The following METTL15 variants were observed in gnomAD, a reference collection of about 807,000 sequenced individuals.
METTL15 encodes 12S rRNA N(4)-cytidine methyltransferase METTL15.
METTL15 carries 34 observed loss-of-function variants against 38.3 expected under a neutral mutation model. That is an observed-to-expected ratio of 0.89 (90% CI 0.68 to 1.18). The LOEUF is 1.18. METTL15 is among the 50% of genes most tolerant of loss of function. The pLI is 0.00. For synonymous variants in METTL15, 162 were observed against 170.9 expected (o/e 0.95, Z 0.41); for missense variants, 438 against 498.4 (o/e 0.88, Z 1.15).
At chr11:28,252,238 A>G (rs1331079343) in intron 4 of METTL15, among the ~76,000 whole-genome samples, 1 of 152,188 alleles carries the variant, frequency 6.6e-6, no homozygotes, top group Non-Finnish European at 1.5e-5. Context: ...TGCTAAGGAA[A>G]ATATAAAGAA....
chr11:28,263,214 A>C (rs1053951833), intron 4 of METTL15, among the ~76,000 whole-genome samples: 1 of 152,020 alleles, frequency 6.6e-6, no homozygotes, highest in Non-Finnish European at 1.5e-5. Context: ...AGAAATGGAG[A>C]AATGTCATTG....
At chr11:28,221,813 G>A (rs1268240848) in intron 4 of METTL15, among the ~76,000 whole-genome samples, 1 of 152,150 alleles carries the variant, frequency 6.6e-6, no homozygotes, top group Admixed American at 6.5e-5. Flanking sequence ...TTTGCTGGAG[G>A]TCCACTCCAG....
intron 3 of METTL15, among the ~76,000 whole-genome samples, chr11:28,133,624 G>A (rs1849413035): frequency 6.6e-6 from 1 of 152,142 alleles, no homozygotes; most frequent in African/African-American, 2.4e-5. Context: ...CTGTCTTTTG[G>A]ATTGCTTGCT....
chr11:28,161,174 G>A (rs933323756), intron 3 of METTL15, among the ~76,000 whole-genome samples: 4 of 149,012 alleles, frequency 2.7e-5, no homozygotes, highest in African/African-American at 9.9e-5. Context: ...CCAGTCTGGA[G>A]TGCAGGGTTA....
At chr11:28,251,761 T>C (rs1262647673) in intron 4 of METTL15, among the ~76,000 whole-genome samples, 1 of 152,056 alleles carries the variant, frequency 6.6e-6, no homozygotes, top group East Asian at 1.9e-4. Context: ...CTGGTCATCA[T>C]TTCCTGTACC....
At chr11:28,235,627 G>A (rs1853922288) in intron 4 of METTL15, among the ~76,000 whole-genome samples, 1 of 152,170 alleles carries the variant, frequency 6.6e-6, no homozygotes, top group Non-Finnish European at 1.5e-5. Flanking sequence ...TAGTGTGTAA[G>A]AATGCTTGTG....
intron 6 of METTL15, among the ~76,000 whole-genome samples, chr11:28,442,291 G>A (rs1031093518): frequency 2.6e-5 from 4 of 152,158 alleles, no homozygotes; most frequent in Non-Finnish European, 4.4e-5. Context: ...AGGCTTTAAT[G>A]TCTACCTTCA....
At chr11:28,251,006 AT>A (rs1854719775) in intron 4 of METTL15, among the ~76,000 whole-genome samples, 1 of 151,844 alleles carries the variant, frequency 6.6e-6, no homozygotes, top group African/African-American at 2.4e-5. Context: ...TCAGATCTGG[AT>A]TTTTCTTCAT....
At chr11:28,412,256 G>A (rs552811761) in intron 5 of METTL15, among the ~76,000 whole-genome samples, 3 of 152,086 alleles carry the variant, frequency 2.0e-5, no homozygotes, top group Admixed American at 2.0e-4. Flanking sequence ...ATACCCAAAG[G>A]AGATGAAATT....
exon 5 of METTL15, chr11:28,362,034 G>T (rs1468574592): frequency 6.6e-6 from 1 of 152,116 alleles, no homozygotes; most frequent in Non-Finnish European, 1.5e-5. Context: ...AAGAAAAATG[G>T]AGGTAGCATT....
chr11:28,254,921 T>C (rs1054243287), intron 4 of METTL15, among the ~76,000 whole-genome samples: 3 of 152,166 alleles, frequency 2.0e-5, no homozygotes, highest in Non-Finnish European at 2.9e-5. Context: ...TTTGTTCTTT[T>C]TGCTCAGGAT....
At chr11:28,318,316 C>G (rs1190093711) in intron 6 of METTL15, among the ~76,000 whole-genome samples, 1 of 151,812 alleles carries the variant, frequency 6.6e-6, no homozygotes, top group South Asian at 2.1e-4. Context: ...CCTTTACAGC[C>G]TAGTGGAGGT....
At chr11:28,526,151 C>T (rs976892136) in intron 6 of METTL15, among the ~76,000 whole-genome samples, 1 of 152,204 alleles carries the variant, frequency 6.6e-6, no homozygotes, top group African/African-American at 2.4e-5. Context: ...GCCCCAGTTC[C>T]CACCTGCGCC....
At chr11:28,500,057 G>A (rs1315837872) in intron 6 of METTL15, among the ~76,000 whole-genome samples, 2 of 151,352 alleles carry the variant, frequency 1.3e-5, no homozygotes, top group African/African-American at 4.9e-5. Context: ...GGGTCTGGAT[G>A]GGAGGAAATA....
intron 6 of METTL15, among the ~76,000 whole-genome samples, chr11:28,483,625 A>G (rs1350228496): frequency 6.6e-6 from 1 of 152,192 alleles, no homozygotes. Flanking sequence ...CTGTGTCTCA[A>G]CTAATCAACT....
intron 6 of METTL15, among the ~76,000 whole-genome samples, chr11:28,520,120 G>A (rs1851753006): frequency 6.6e-6 from 1 of 152,180 alleles, no homozygotes; most frequent in African/African-American, 2.4e-5. Context: ...CAGGTGGATT[G>A]CTTGAGCCCA....
downstream of METTL15, among the ~76,000 whole-genome samples, chr11:28,337,255 TTA>T (rs1849908972): frequency 6.6e-6 from 1 of 152,068 alleles, no homozygotes; most frequent in South Asian, 2.1e-4. Context: ...ATAAAATTTT[TTA>T]TGTTTTAATT....
intron 4 of METTL15, among the ~76,000 whole-genome samples, chr11:28,266,030 A>G (rs1313006715): frequency 1.3e-5 from 2 of 152,106 alleles, no homozygotes; most frequent in Non-Finnish European, 2.9e-5. Flanking sequence ...TCATTGTTCA[A>G]TTCCCACCTA....
chr11:28,455,558 G>A (rs574907783), intron 6 of METTL15, among the ~76,000 whole-genome samples: 6 of 152,134 alleles, frequency 3.9e-5, no homozygotes, highest in South Asian at 4.1e-4. Context: ...CACTTCCAGC[G>A]TGGCACATTG....
Sources: gnomAD v4.1 joint callset for allele counts (sites outside exome capture counted in the v4.1 genomes callset) on GRCh38, gnomAD v4.1.1 for gene constraint, MANE v1.5 for transcripts, NCBI Gene and HGNC (gene_info 2026-07-23, HGNC 2026-07-21) for gene names.